The following RBMS3 variants were observed in gnomAD, a reference collection of about 807,000 sequenced individuals.
The protein encoded by RBMS3 is RNA-binding motif, single-stranded-interacting protein 3.
RBMS3 carries 27 observed loss-of-function variants against 66.8 expected under a neutral mutation model. The ratio of observed to expected loss-of-function variants is 0.40; its 90% CI spans 0.30 to 0.56. The LOEUF (loss-of-function observed/expected upper bound fraction) is 0.56. RBMS3 is among the 20% of genes least tolerant of loss of function. The probability of loss-of-function intolerance (pLI) is 0.40; values close to 1 mark genes in which losing one functional copy is unlikely to be tolerated. For synonymous variants in RBMS3, 188 were observed against 183.0 expected (o/e 1.03, Z -0.22); for missense variants, 513 against 549.5 (o/e 0.93, Z 0.66).
intron 12 of RBMS3, among the ~76,000 whole-genome samples, chr3:29,963,786 C>A (rs1696637017): frequency 1.4e-5 from 2 of 146,716 alleles, no homozygotes; most frequent in African/African-American, 5.1e-5. Context: ...AAGATCCCAC[C>A]ACCGTACTCC....
intron 1 of RBMS3, among the ~76,000 whole-genome samples, chr3:29,333,448 A>T (rs970096917): frequency 1.2e-4 from 19 of 152,078 alleles, no homozygotes; most frequent in African/African-American, 3.4e-4. Context: ...AGTATAATTT[A>T]AAAAAAATTC....
intron 3 of RBMS3, among the ~76,000 whole-genome samples, chr3:29,517,003 A>C (rs2044652594): frequency 6.6e-6 from 1 of 152,080 alleles, no homozygotes; most frequent in South Asian, 2.1e-4. Flanking sequence ...ACTTGAGCCC[A>C]AAAGTCCGAG....
At chr3:29,713,240 G>A (rs1187040215) in intron 4 of RBMS3, among the ~76,000 whole-genome samples, 1 of 151,884 alleles carries the variant, frequency 6.6e-6, no homozygotes, top group Admixed American at 6.6e-5. Flanking sequence ...TACTTTCGTA[G>A]AATATTTTCA....
At chr3:29,649,842 C>T (rs899512686) in intron 4 of RBMS3, among the ~76,000 whole-genome samples, 1 of 152,180 alleles carries the variant, frequency 6.6e-6, no homozygotes, top group East Asian at 1.9e-4. Flanking sequence ...TGTGGAGATA[C>T]TCAGTATTGT....
At chr3:29,875,441 C>A (rs2059590748) in intron 7 of RBMS3, among the ~76,000 whole-genome samples, 1 of 151,808 alleles carries the variant, frequency 6.6e-6, no homozygotes, top group African/African-American at 2.4e-5. Context: ...CTATAAGACA[C>A]CATTGATTAA....
intron 12 of RBMS3, among the ~76,000 whole-genome samples, chr3:29,955,463 G>A (rs1211395279): frequency 2.0e-5 from 3 of 151,950 alleles, no homozygotes; most frequent in African/African-American, 7.3e-5. Flanking sequence ...TATTTTTGGA[G>A]AAATATTTGG....
intron 2 of RBMS3, among the ~76,000 whole-genome samples, chr3:29,450,599 G>A (rs560847457): frequency 6.6e-6 from 1 of 151,982 alleles, no homozygotes; most frequent in East Asian, 1.9e-4. Context: ...GTCCTGCTTG[G>A]CATTGATGCT....
At chr3:29,534,808 C>G (rs1454975509) in intron 3 of RBMS3, among the ~76,000 whole-genome samples, 1 of 152,124 alleles carries the variant, frequency 6.6e-6, no homozygotes, top group Non-Finnish European at 1.5e-5. Flanking sequence ...GACATATTAT[C>G]CACTCGTGTC....
intron 14 of RBMS3, among the ~76,000 whole-genome samples, chr3:29,994,221 C>A (rs563471028): frequency 1.3e-5 from 2 of 152,194 alleles, no homozygotes; most frequent in East Asian, 1.9e-4. Flanking sequence ...ACTTTTCCCA[C>A]GGGCTTAAAA....
At chr3:29,298,198 A>G (rs1206707423) in intron 1 of RBMS3, among the ~76,000 whole-genome samples, 1 of 151,890 alleles carries the variant, frequency 6.6e-6, no homozygotes, top group Non-Finnish European at 1.5e-5. Context: ...ATTGGTCTAC[A>G]TGAAAGTGGC....
intron 1 of RBMS3, among the ~76,000 whole-genome samples, chr3:29,309,218 A>C (rs2034219698): frequency 1.4e-5 from 1 of 73,450 alleles, no homozygotes; most frequent in Non-Finnish European, 3.0e-5. Flanking sequence ...TTCCACCTGA[A>C]AAAAAGAGGA....
chr3:29,780,643 C>G (rs538967940), intron 6 of RBMS3, among the ~76,000 whole-genome samples: 1 of 152,076 alleles, frequency 6.6e-6, no homozygotes, highest in Non-Finnish European at 1.5e-5. Flanking sequence ...AACCAGTATC[C>G]TATCTGCACT....
At chr3:29,335,043 CCT>C in intron 1 of RBMS3, among the ~76,000 whole-genome samples, 1 of 151,990 alleles carries the variant, frequency 6.6e-6, no homozygotes, top group Non-Finnish European at 1.5e-5. Flanking sequence ...GCATTTTCCT[CCT>C]GACTATAGGT....
At chr3:29,460,751 G>A (rs1014536864) in intron 2 of RBMS3, among the ~76,000 whole-genome samples, 10 of 152,108 alleles carry the variant, frequency 6.6e-5, no homozygotes, top group Admixed American at 4.6e-4. Context: ...AATGTGCTTC[G>A]CAGCCCTCTT....
intron 4 of RBMS3, among the ~76,000 whole-genome samples, chr3:29,697,664 C>T (rs2052342276): frequency 6.6e-6 from 1 of 152,056 alleles, no homozygotes; most frequent in East Asian, 1.9e-4. Context: ...GGTATGGGAC[C>T]CATGTCTAAA....
chr3:29,559,429 T>TGG (rs2046464954), intron 3 of RBMS3, among the ~76,000 whole-genome samples: 3 of 144,510 alleles, frequency 2.1e-5, no homozygotes, highest in Non-Finnish European at 4.5e-5. Flanking sequence ...GAGAGTCACT[T>TGG]GAACCTGGGA....
intron 6 of RBMS3, 57 bp downstream of exon 6, chr3:29,763,046 A>C: frequency 8.3e-7 from 1 of 1,204,370 alleles, no homozygotes; most frequent in Non-Finnish European, 1.2e-6. Context: ...TGCTCTTATT[A>C]GAATAAGTAC....
chr3:29,299,599 A>G (rs924400506), intron 1 of RBMS3, among the ~76,000 whole-genome samples: 8 of 151,994 alleles, frequency 5.3e-5, no homozygotes, highest in African/African-American at 1.9e-4. Flanking sequence ...AATTAAAAAT[A>G]ACAAAGCAAT....
chr3:29,616,608 T>C (rs2048683428), intron 4 of RBMS3: 2 of 152,400 alleles, frequency 1.3e-5, no homozygotes, highest in Non-Finnish European at 2.9e-5. Context: ...TGTGCTTCTT[T>C]GTAGCCAATT....
Sources: gnomAD v4.1 joint callset for allele counts (sites outside exome capture counted in the v4.1 genomes callset) on GRCh38, gnomAD v4.1.1 for gene constraint, MANE v1.5 for transcripts, NCBI Gene and HGNC (gene_info 2026-07-23, HGNC 2026-07-21) for gene names.